The following SETD2 variants were observed in gnomAD, a reference collection of about 807,000 sequenced individuals.
SETD2 encodes SET domain containing 2, histone lysine methyltransferase, also known as histone-lysine N-methyltransferase SETD2.
Under a neutral mutation model 242.1 loss-of-function variants are expected in SETD2, and 31 were observed. The ratio of observed to expected loss-of-function variants is 0.13; its 90% CI spans 0.10 to 0.17. The LOEUF is 0.17. Among genes scored for constraint, SETD2 ranks in the 10% least tolerant of loss-of-function variants. The pLI is 1.00. For missense variants in SETD2, 2,481 were observed against 3,046.3 expected (o/e 0.81, Z 4.37); for synonymous variants, 1,006 against 1,066.5 (o/e 0.94, Z 1.11).
chr3:47,088,250 A>G lies in SETD2; in HGVS notation c.5143-3T>C. On this transcript the variant is annotated splice_region_variant and splice_polypyrimidine_tract_variant and intron_variant, in intron 9 of 20. Transcript: ENST00000409792. ...AGAGCTTCTAGCTCTCCATCCACCT[A>G]CCACAGCAAATAAAAATACCTTTTT... The G allele has an allele frequency of 6.3e-7, 1 of 1,590,092 alleles. No individual in the cohort carries two copies. The highest frequency in any genetic ancestry group is 1.2e-5 in the South Asian group (1 of 86,158).
chr3:47,046,155 T>C lies in SETD2; in HGVS notation c.7098+332A>G, dbSNP rs1022250030. 2.0e-5 allele frequency among the ~76,000 whole-genome samples: 3 copies of C among 150,816 alleles called. No homozygotes were observed. In the South Asian group the frequency reaches 6.3e-4, roughly 32 times the overall value. On this transcript the variant is annotated intron_variant, in intron 16 of 20. Coordinates refer to ENST00000409792, the MANE Select transcript of SETD2 (RefSeq NM_014159.7). The stretch of plus-strand genomic sequence containing the variant: ...GAGGTCAAGACGAGCCTGGTCAACA[T>C]GGGGAAACTCCGTCTCTACTAAAAA...
intron 1 of SETD2, among the ~76,000 whole-genome samples, chr3:47,148,833 G>C (rs1429026220): frequency 6.6e-6 from 1 of 152,156 alleles, no homozygotes; most frequent in South Asian, 2.1e-4. Context: ...AGGCTGAGGC[G>C]GGAGGATCAC....
chr3:47,091,780 TA>T (rs1359944133), intron 9 of SETD2, among the ~76,000 whole-genome samples: 4 of 149,894 alleles, frequency 2.7e-5, no homozygotes, highest in Admixed American at 6.7e-5. Context: ...AATAAATAAA[TA>T]AAATAAAATA....
At chr3:47,087,238 TGAATATAGACA>T in intron 10 of SETD2, among the ~76,000 whole-genome samples, 1 of 150,852 alleles carries the variant, frequency 6.6e-6, no homozygotes, top group South Asian at 2.1e-4. Context: ...CCACATTCTT[TGAATATAGACA>T]GAAAGCAAAC....
chr3:47,101,307 G>A, intron 8 of SETD2, 151 bp downstream of exon 8: 1 of 549,408 alleles, frequency 1.8e-6, no homozygotes, highest in Non-Finnish European at 3.2e-6. Context: ...TCATACAGTA[G>A]AAAAACACAC....
chr3:47,104,914 T>A (rs531967846), intron 6 of SETD2, among the ~76,000 whole-genome samples: 2 of 152,276 alleles, frequency 1.3e-5, no homozygotes, highest in East Asian at 1.9e-4. Flanking sequence ...ACTAGATGCA[T>A]GCAAAACCAT....
At chr3:47,037,603 A>G (rs1285244651) in intron 18 of SETD2, 63 bp downstream of exon 18, 1 of 1,220,872 alleles carries the variant, frequency 8.2e-7, no homozygotes, top group African/African-American at 1.5e-5. Context: ...TCCCAAGACC[A>G]TGCGGGATGG....
intron 1 of SETD2, among the ~76,000 whole-genome samples, chr3:47,141,802 C>T (rs2043735947): frequency 6.6e-6 from 1 of 152,012 alleles, no homozygotes; most frequent in African/African-American, 2.4e-5. Context: ...TCTTACGGAA[C>T]AAAAGCTTAA....
Position 47,017,191 on chromosome 3 carries a change from T to C in SETD2, c.7597A>G (p.Asn2533Asp). 1 of 1,614,176 alleles carries C rather than the reference T, an allele frequency of 6.2e-7. No homozygotes were observed. Among genetic ancestry groups the C allele is most frequent in the Non-Finnish European group, 8.5e-7 (1 of 1,180,008 alleles). Residue 2533 changes from asparagine to aspartate, a missense_variant, in exon 21 of 21, where the codon AAT (asparagine) becomes GAT (aspartate). Coordinates refer to ENST00000409792, the MANE Select transcript of SETD2 (RefSeq NM_014159.7). The surrounding 1 kb of genome is among the most constrained non-coding windows in gnomAD (Gnocchi z 4.8). ...YCKNPEDLEC[N>D]ENVKHKTKEY... ...TTGGTTTTGTGTTTCACATTCTCAT[T>C]GCACTCCAGGTCCTCAGGATTCTTA...
intron 18 of SETD2, among the ~76,000 whole-genome samples, chr3:47,027,233 G>C (rs1411762588): frequency 6.6e-6 from 1 of 151,754 alleles, no homozygotes; most frequent in Non-Finnish European, 1.5e-5. Flanking sequence ...AGCTACTCAG[G>C]AGGCTGAGGC....
At chr3:47,047,931 T>C (rs909201822) in intron 15 of SETD2, among the ~76,000 whole-genome samples, 6 of 152,170 alleles carry the variant, frequency 3.9e-5, no homozygotes, top group Admixed American at 1.3e-4. Flanking sequence ...CATCATACAG[T>C]GTACTTCACA....
chr3:47,035,931 A>C (rs1028844274), intron 18 of SETD2, among the ~76,000 whole-genome samples: 2 of 152,282 alleles, frequency 1.3e-5, no homozygotes, highest in Non-Finnish European at 2.9e-5. Context: ...ACAAGACAGC[A>C]CAACAGCTGG....
intron 5 of SETD2, among the ~76,000 whole-genome samples, chr3:47,107,090 C>T (rs2042456724): frequency 6.6e-6 from 1 of 151,828 alleles, no homozygotes; most frequent in African/African-American, 2.4e-5. Context: ...CAGTCTTTTC[C>T]CCTTCTCTTA....
At position 47,123,798 on chromosome 3, in the gene SETD2, T is replaced by C. The variant is rs994898155; in HGVS notation, c.838A>G (p.Lys280Glu). Reference sequence around the variant, plus strand: ...TTCCCAATATGGGAATCTTCTTTTTTTGAGGAAATATCTGCTTGCTCATTC... The same window carrying C: ...TTCCCAATATGGGAATCTTCTTTTTCTGAGGAAATATCTGCTTGCTCATTC... ...ILNEQADISS[K>E]KEDSHIGKDE... The change falls in exon 3 of 21, where the codon AAA becomes GAA. Residue 280 changes from lysine (K) to glutamate (E), a missense_variant. By Grantham distance (56) the Lys-to-Glu change is moderately conservative (BLOSUM62 1). Coordinates refer to ENST00000409792, the MANE Select transcript of SETD2 (RefSeq NM_014159.7). The C allele has an allele frequency of 1.3e-6, 2 of 1,547,854 alleles. No homozygotes were observed. The highest frequency in any genetic ancestry group is 2.7e-5 in the African/African-American group (2 of 72,822).
intron 1 of SETD2, among the ~76,000 whole-genome samples, chr3:47,134,849 C>T (rs553810837): frequency 6.6e-6 from 1 of 152,174 alleles, no homozygotes; most frequent in South Asian, 2.1e-4. Context: ...GTCTTGAATT[C>T]CTGACCTCTA....
chr3:47,084,076 C>T lies in SETD2; in HGVS notation c.5704G>A (p.Gly1902Ser). The change falls in exon 12 of 21, where the codon GGC (glycine) becomes AGC (serine). Residue 1902 changes from glycine to serine, a missense_variant. Physicochemically the swap from Gly to Ser is moderately conservative, Grantham distance 56. This residue lies in a region of SETD2 where 203 missense variants were observed against 222.4 expected (regional missense o/e 0.91). Coordinates refer to ENST00000409792, the MANE Select transcript of SETD2 (RefSeq NM_014159.7). ...TCAAGATCCTCTTTGCCATCCTTGCCTTCTAGCTCACTGGTTGCATCAGAG... is the reference window on the plus strand; with the variant it reads ...TCAAGATCCTCTTTGCCATCCTTGCTTTCTAGCTCACTGGTTGCATCAGAG... ...AISDATSELE[G>S]KDGKEDLDQL... The T allele has an allele frequency of 6.2e-7, 1 of 1,614,160 alleles. No homozygotes were observed. The highest frequency in any genetic ancestry group is 8.5e-7 in the Non-Finnish European group (1 of 1,180,026).
chr3:47,039,805 C>A (rs1264008893), intron 17 of SETD2, among the ~76,000 whole-genome samples: 1 of 147,502 alleles, frequency 6.8e-6, no homozygotes, highest in Non-Finnish European at 1.5e-5. Context: ...ATTACTTGAA[C>A]CCTGGAGGCA....
chr3:47,080,600 T>C (rs1402432094), intron 12 of SETD2, among the ~76,000 whole-genome samples: 1 of 152,196 alleles, frequency 6.6e-6, no homozygotes, highest in Non-Finnish European at 1.5e-5. Context: ...AACAATTTCT[T>C]CTGCAAACAG....
At chr3:47,081,131 G>A (rs2041298617) in intron 12 of SETD2, 1 of 956,918 alleles carries the variant, frequency 1.0e-6, no homozygotes, top group South Asian at 4.8e-5. Context: ...ATCAGATCTG[G>A]GAGGACAAAG....
Sources: gnomAD v4.1 joint callset for allele counts (sites outside exome capture counted in the v4.1 genomes callset) on GRCh38, gnomAD v4.1.1 for gene constraint, gnomAD v4.1.1 regional missense constraint, Gnocchi (gnomAD v3.1) non-coding constraint, MANE v1.5 for transcripts, NCBI Gene and HGNC (gene_info 2026-07-23, HGNC 2026-07-21) for gene names.